Variants in SLC1A2 observed in about 807,000 individuals in gnomAD.
The protein encoded by SLC1A2 is excitatory amino acid transporter 2.
In SLC1A2, 15 loss-of-function variants were observed where a neutral mutation model predicts 48.8. That is an observed-to-expected ratio of 0.31 (90% CI 0.21 to 0.47). The LOEUF (loss-of-function observed/expected upper bound fraction) is 0.47, where lower values mean the gene tolerates loss of function less well. SLC1A2 is among the 20% of genes least tolerant of loss of function. The probability of loss-of-function intolerance (pLI) is 0.99; values close to 1 mark genes in which losing one functional copy is unlikely to be tolerated. For missense variants in SLC1A2, 502 were observed against 730.5 expected, an observed-to-expected ratio of 0.69 and a Z score of 3.61; for synonymous variants, 279 against 272.6, an observed-to-expected ratio of 1.02 and a Z score of -0.23.
chr11:35,359,122 T>A (rs1853590138), intron 1 of SLC1A2, among the ~76,000 whole-genome samples: 1 of 152,208 alleles, frequency 6.6e-6, no homozygotes, highest in African/African-American at 2.4e-5. Flanking sequence ...AAATCTTAGT[T>A]AAAGCCACTT....
intron 1 of SLC1A2, among the ~76,000 whole-genome samples, chr11:35,334,299 T>A (rs1392476439): frequency 2.0e-5 from 3 of 152,172 alleles, no homozygotes; most frequent in Non-Finnish European, 2.9e-5. Flanking sequence ...CTGGCTCTCA[T>A]TAAGTTAGCA....
chr11:35,264,749 G>A (rs1393015153), intron 10 of SLC1A2: 1 of 152,128 alleles, frequency 6.6e-6, no homozygotes, highest in Non-Finnish European at 1.5e-5. Context: ...TTGGAGCAAG[G>A]TACTCTCAGG....
At chr11:35,355,990 C>A (rs1243874400) in intron 1 of SLC1A2, among the ~76,000 whole-genome samples, 1 of 151,838 alleles carries the variant, frequency 6.6e-6, no homozygotes, top group Non-Finnish European at 1.5e-5. Flanking sequence ...AGATGGATAA[C>A]AACACTGTCC....
chr11:35,315,133 G>A lies in SLC1A2; in HGVS notation c.200C>T (p.Ala67Val). 2 of 1,612,838 alleles carry A rather than the reference G, an allele frequency of 1.2e-6. No homozygotes were observed. Among genetic ancestry groups the A allele is most frequent in the East Asian group, 2.2e-5 (1 of 44,860 alleles). ...GAVCGGLLRL[A>V]SPIHPDVVML... is the part of the protein sequence containing the mutation. ...AACCACATCAGGGTGGATGGGAGAT[G>A]CCAAGCGAAGAAGCCCTCCACACAC... is the stretch of plus-strand genomic sequence containing the variant. The change falls in exon 3 of 11, where the codon GCA (alanine) becomes GTA (valine). Residue 67 changes from alanine to valine, a missense_variant. Ala to Val is a moderately conservative substitution (Grantham distance 64). Coordinates refer to ENST00000278379, the MANE Select transcript of SLC1A2 (RefSeq NM_004171.4).
rs558024436 is a variant in SLC1A2, at chr11:35,280,739, A to T, written c.1421+128T>A. The T allele has an allele frequency of 2.9e-5, 17 of 590,690 alleles. No individual in the cohort carries two copies. In the South Asian group the frequency reaches 4.7e-4, roughly 16 times the overall value. The allele number at this position is 590,690 out of a possible 1,614,324, so 36.6% of individuals were successfully genotyped here. On this transcript the variant is annotated intron_variant, in intron 9 of 10. Coordinates refer to ENST00000278379, the MANE Select transcript of SLC1A2 (RefSeq NM_004171.4). Reference sequence around the variant, plus strand: ...TAGGTCCTCAGTAAATGTGAGCGGGAAGGAGGAAGGAAGAGTGAGGGAGTT... The same window carrying T: ...TAGGTCCTCAGTAAATGTGAGCGGGTAGGAGGAAGGAAGAGTGAGGGAGTT...
intron 8 of SLC1A2, 138 bp from the exon 9 acceptor site, chr11:35,281,139 T>C (rs1342512435): frequency 1.1e-5 from 14 of 1,224,198 alleles, no homozygotes; most frequent in African/African-American, 1.1e-4. Flanking sequence ...CACCAAGGAA[T>C]AGAGAAATCT....
intron 1 of SLC1A2, chr11:35,374,239 C>T (rs1322891780): frequency 1.3e-6 from 1 of 764,994 alleles, no homozygotes; most frequent in Non-Finnish European, 2.1e-6. Flanking sequence ...ATAGCTAAGA[C>T]TCCAAGACAC....
intron 6 of SLC1A2, chr11:35,297,749 T>C (rs1388937830): frequency 6.6e-6 from 1 of 152,150 alleles, no homozygotes; most frequent in East Asian, 1.9e-4. Flanking sequence ...AACACAGAGA[T>C]ACAAAGGATA....
In SLC1A2 at chr11:35,355,175, T is replaced by C. The variant is rs1220696830; in HGVS notation, c.18-37659A>G. On this transcript the variant is annotated intron_variant, in intron 1 of 10. Transcript: ENST00000278379. ...CCTTGTGGCAGGCCCCTTTGGCCAA[T>C]GTGAGTTCAAACTCTTCTACCTTGT... Among the ~76,000 whole-genome samples, 5 of 152,278 alleles carry C rather than the reference T, an allele frequency of 3.3e-5. No individual in the cohort carries two copies. The South Asian group carries it at 6.2e-4, about 19-fold the overall frequency.
At position 35,251,657 on chromosome 11, in the gene SLC1A2, A is replaced by C. The variant is rs1214755602; in HGVS notation, c.*9237T>G. ...CCAGTTTTATTTCAGGAAGTATTCC[A>C]TCCTAAATTTGAAAGGAGTTGAAGA... On this transcript the variant is annotated 3_prime_UTR_variant, in exon 11 of 11. Transcript: ENST00000278379. The C allele has an allele frequency of 6.6e-6, 1 of 152,610 alleles. No homozygotes were observed. The highest frequency in any genetic ancestry group is 2.4e-5 in the African/African-American group (1 of 41,454). The allele number at this position is 152,610 out of a possible 1,614,324, so 9.5% of individuals were successfully genotyped here.
chr11:35,293,003 G>GAC (rs1851061494), intron 6 of SLC1A2, among the ~76,000 whole-genome samples: 1 of 144,412 alleles, frequency 6.9e-6, no homozygotes, highest in Admixed American at 6.7e-5. Context: ...GAGAGAGAGA[G>GAC]AGAGAACAAG....
In SLC1A2 at chr11:35,265,773, C is replaced by T. The variant is rs773529732; in HGVS notation, c.1422-15G>A. The T allele has an allele frequency of 7.8e-6, 12 of 1,544,776 alleles. No individual in the cohort carries two copies. Among genetic ancestry groups the T allele is most frequent in the African/African-American group, 1.4e-5 (1 of 73,398 alleles). On this transcript the variant is annotated splice_polypyrimidine_tract_variant and intron_variant, in intron 9 of 10. Coordinates refer to ENST00000278379, the MANE Select transcript of SLC1A2 (RefSeq NM_004171.4). ...TCATCCTGTCCCTGGGGACAAAGAA[C>T]AGAAAAGGTTCAGTGAGGAAGCAGT...
intron 8 of SLC1A2, among the ~76,000 whole-genome samples, chr11:35,284,543 T>TTGTG (rs34712517): frequency 0.046 from 6,869 of 149,990 alleles, 149 homozygotes; most frequent in Middle Eastern, 0.069. Context: ...TGTTTTCATA[T>TTGTG]TGTGTGTGTG....
At chr11:35,312,145 G>T in intron 4 of SLC1A2, 53 bp downstream of exon 4, 1 of 1,570,132 alleles carries the variant, frequency 6.4e-7, no homozygotes, top group Non-Finnish European at 8.7e-7. Flanking sequence ...TTAAGTTATC[G>T]CCTTGATAAC....
chr11:35,312,302 G>A lies in SLC1A2; in HGVS notation c.457C>T (p.Leu153=). Residue 153 remains leucine (L), a synonymous_variant, in exon 4 of 11, where the codon CTG becomes TTG. Coordinates refer to ENST00000278379, the MANE Select transcript of SLC1A2 (RefSeq NM_004171.4). ...TCATCATTCTTCTTCCCAGGCCCCA[G>A]CTGCTTCTTGAGCTTGGGATTGCCT... is the stretch of plus-strand genomic sequence containing the variant. The part of the protein sequence containing the change: ...HPGNPKLKKQ[L]GPGKKNDEVS... The A allele has an allele frequency of 6.2e-7, 1 of 1,614,132 alleles. No homozygotes were observed. The highest frequency in any genetic ancestry group is 1.3e-5 in the African/African-American group (1 of 75,024).
chr11:35,358,333 G>T lies in SLC1A2; in HGVS notation c.18-40817C>A, dbSNP rs565795085. Among the ~76,000 whole-genome samples, 7 of 152,220 alleles carry T rather than the reference G, an allele frequency of 4.6e-5. No individual in the cohort carries two copies. The South Asian group carries it at 1.5e-3, about 32-fold the overall frequency. On this transcript the variant is annotated intron_variant, in intron 1 of 10. Coordinates refer to ENST00000278379, the MANE Select transcript of SLC1A2 (RefSeq NM_004171.4). ...CATTTATATGTTTTAATACTGCTCT[G>T]CAATGAGCATGTAGAACTTTTATGA...
chr11:35,293,890 T>C (rs1183205758), intron 6 of SLC1A2, among the ~76,000 whole-genome samples: 1 of 152,174 alleles, frequency 6.6e-6, no homozygotes, highest in Non-Finnish European at 1.5e-5. Flanking sequence ...TATGTGACCA[T>C]GGTTAGTGGC....
intron 10 of SLC1A2, chr11:35,265,236 A>G: frequency 2.0e-6 from 1 of 488,306 alleles, no homozygotes; most frequent in Non-Finnish European, 3.6e-6. Context: ...ATTCAAGACA[A>G]CTGGTCAAAT....
At chr11:35,264,371 C>T (rs938472632) in intron 10 of SLC1A2, among the ~76,000 whole-genome samples, 43 of 152,178 alleles carry the variant, frequency 2.8e-4, no homozygotes, top group Admixed American at 2.6e-3. Flanking sequence ...ACCTTGTCAA[C>T]AGAAGTCAAA....
Sources: allele counts gnomAD v4.1 joint callset (sites outside exome capture counted in the v4.1 genomes callset), GRCh38; gene constraint gnomAD v4.1.1; transcripts MANE v1.5; gene names NCBI Gene and HGNC (gene_info 2026-07-23, HGNC 2026-07-21).